MOB3A: variants seen among roughly 807,000 people sequenced by gnomAD.
The protein encoded by MOB3A is MOB kinase activator 3A.
A neutral mutation model predicts 17.8 loss-of-function variants in MOB3A; 17 were observed. The ratio of observed to expected loss-of-function variants is 0.95; its 90% CI spans 0.65 to 1.43. The LOEUF is 1.43. Ranked by LOEUF, MOB3A falls within the 40% of genes most tolerant of loss-of-function variation. The probability of loss-of-function intolerance (pLI) is 0.00; values close to 1 mark genes in which losing one functional copy is unlikely to be tolerated. For missense variants in MOB3A, 333 were observed against 310.8 expected (o/e 1.07, Z -0.54); for synonymous variants, 124 against 133.2 (o/e 0.93, Z 0.48).
rs2017635315 is a variant in MOB3A, at chr19:2,093,434, G to A, written c.-274+2792C>T. ...CGACTTCAGAAACGGGATTCTGGGA[G>A]GAGGCCTTCACTTCTGCCTTTCGGA... On this transcript the variant is annotated intron_variant, in intron 1 of 4. Transcript: ENST00000357066. This position sits in a 1 kb window ranked among gnomAD's most constrained non-coding sequence, Gnocchi z 4.6. Among the ~76,000 whole-genome samples the A allele has an allele frequency of 6.6e-6, 1 of 152,200 alleles. No individual in the cohort carries two copies. The highest frequency in any genetic ancestry group is 2.1e-4 in the South Asian group (1 of 4,832).
chr19:2,083,669 C>T (rs1396024823), intron 2 of MOB3A, among the ~76,000 whole-genome samples: 2 of 152,196 alleles, frequency 1.3e-5, no homozygotes, highest in Admixed American at 6.5e-5. Context: ...CACATCTGGG[C>T]CGACTCACAG....
At chr19:2,084,058 C>T in intron 2 of MOB3A, 1 of 441,962 alleles carries the variant, frequency 2.3e-6, no homozygotes, top group Non-Finnish European at 4.6e-6. Flanking sequence ...AGGCGTGAGC[C>T]ACCGTGCCTG....
chr19:2,090,373 C>T (rs2017599974), intron 1 of MOB3A, among the ~76,000 whole-genome samples: 3 of 152,198 alleles, frequency 2.0e-5, no homozygotes, highest in Admixed American at 2.0e-4. Flanking sequence ...GACCACCCTG[C>T]CCCCTGCCCC....
rs1281163655 is a variant in MOB3A, at chr19:2,071,445, A to G, written c.*1950T>C. On this transcript the variant is annotated 3_prime_UTR_variant, in exon 5 of 5. Transcript: ENST00000357066. ...TCGATTTTCTGGCAGAAGCCAGGAG[A>G]GACGGGGACAGCGTGCTTCTCTTCG... is the stretch of plus-strand genomic sequence containing the variant. The G allele has an allele frequency of 6.6e-6, 1 of 152,244 alleles. No individual in the cohort carries two copies. The highest frequency in any genetic ancestry group is 2.4e-5 in the African/African-American group (1 of 41,398). The allele number at this position is 152,244 out of a possible 1,614,324, so 9.4% of individuals were successfully genotyped here.
rs577449522 is a variant in MOB3A, at chr19:2,075,029, T to C, written c.625-1605A>G. 2.2e-3 allele frequency among the ~76,000 whole-genome samples: 337 copies of C among 150,968 alleles called. 3 individuals are homozygous for C. Among genetic ancestry groups the C allele is most frequent in the African/African-American group, 7.9e-3 (326 of 41,126 alleles). On this transcript the variant is annotated intron_variant, in intron 4 of 4. Coordinates refer to ENST00000357066, the MANE Select transcript of MOB3A (RefSeq NM_130807.3). Reference sequence around the variant, plus strand: ...ACCACGCCGGGCCTTAATCTTTTCTTTTCTTTTTTTTTTTTTTTGAGACAG... The same window carrying C: ...ACCACGCCGGGCCTTAATCTTTTCTCTTCTTTTTTTTTTTTTTTGAGACAG...
chr19:2,090,339 T>A (rs1328734822), intron 1 of MOB3A, among the ~76,000 whole-genome samples: 1 of 152,204 alleles, frequency 6.6e-6, no homozygotes, highest in Non-Finnish European at 1.5e-5. Flanking sequence ...GCCCAGAGGA[T>A]GTTGGCGGGC....
At chr19:2,081,460 C>T (rs566751890) in intron 2 of MOB3A, among the ~76,000 whole-genome samples, 12 of 152,030 alleles carry the variant, frequency 7.9e-5, no homozygotes, top group South Asian at 6.2e-4. Flanking sequence ...TGGTGGCGGG[C>T]GCCTGTAATC....
In MOB3A at chr19:2,095,757, CT is replaced by C. The variant is rs112997414; in HGVS notation, c.-274+468del. Among the ~76,000 whole-genome samples the C allele has an allele frequency of 4.7e-3, 671 of 144,004 alleles. 4 individuals carry two copies. The highest frequency in any genetic ancestry group is 0.024 in the East Asian group (119 of 4,942). 94.5% of individuals were successfully genotyped at this position (144,004 alleles called of 152,430 possible). A position where few individuals can be genotyped will look rare whatever the true frequency, so the allele number is the denominator to read the frequency against. On this transcript the variant is annotated intron_variant, in intron 1 of 4. Coordinates refer to ENST00000357066, the MANE Select transcript of MOB3A (RefSeq NM_130807.3). ...TTCCTTTTTTCTTTTTTCTTTTGTT[CT>C]TTTTTTTTTTTCCCCCGCTCTGGTT...
chr19:2,086,499 A>G (rs1191806255), intron 1 of MOB3A, among the ~76,000 whole-genome samples: 1 of 151,180 alleles, frequency 6.6e-6, no homozygotes, highest in Non-Finnish European at 1.5e-5. Context: ...AGCTGGGATT[A>G]CAGACACACG....
At chr19:2,074,224 G>A (rs2017375302) in intron 4 of MOB3A, among the ~76,000 whole-genome samples, 1 of 152,120 alleles carries the variant, frequency 6.6e-6, no homozygotes, top group Non-Finnish European at 1.5e-5. Flanking sequence ...AACCTGTGAG[G>A]TGGAGGTTGC....
rs142102227 is a variant in MOB3A, at chr19:2,076,912, C to T, written c.523G>A (p.Ala175Thr). 81 of 1,614,024 alleles carry T rather than the reference C, an allele frequency of 5.0e-5. No individual in the cohort carries two copies. In the African/African-American group the frequency reaches 1.0e-3, roughly 20 times the overall value. The change falls in exon 4 of 5, where the codon GCG becomes ACG. Residue 175 changes from alanine to threonine, a missense_variant. Coordinates refer to ENST00000357066, the MANE Select transcript of MOB3A (RefSeq NM_130807.3). ...ACGTGGGCCTCGGAGCCCATCTGCG[C>T]GATGCGGTCAAAGTGGTGGATGTAG... is the stretch of plus-strand genomic sequence containing the variant. The part of the protein sequence containing the change: ...HVYIHHFDRI[A>T]QMGSEAHVNT...
chr19:2,079,406 C>T (rs1024022925), intron 2 of MOB3A, among the ~76,000 whole-genome samples: 5 of 152,226 alleles, frequency 3.3e-5, no homozygotes, highest in South Asian at 2.1e-4. Context: ...TCTCAAGGGA[C>T]GTCATCTTGG....
intron 2 of MOB3A, chr19:2,084,172 T>C (rs753842773): frequency 4.1e-6 from 2 of 492,658 alleles, no homozygotes; most frequent in Non-Finnish European, 8.1e-6. Flanking sequence ...CTTGTAAACT[T>C]CCTCTTGGCA....
In MOB3A at chr19:2,092,023, A is replaced by G. The variant is rs1261107887; in HGVS notation, c.-274+4203T>C. The stretch of plus-strand genomic sequence containing the variant: ...ACAGAAAAAAAAAAGAGAAAGAAAG[A>G]ATAATAAATTGCTACAACCATGAAA... On this transcript the variant is annotated intron_variant, in intron 1 of 4. Transcript: ENST00000357066. 2.0e-5 allele frequency among the ~76,000 whole-genome samples: 3 copies of G among 151,182 alleles called. No individual in the cohort carries two copies. The South Asian group carries it at 6.3e-4, about 32-fold the overall frequency.
chr19:2,087,262 C>A (rs1247433126), intron 1 of MOB3A, among the ~76,000 whole-genome samples: 1 of 152,228 alleles, frequency 6.6e-6, no homozygotes, highest in East Asian at 1.9e-4. Context: ...TTAACCTTTT[C>A]AGTTACAGTT....
chr19:2,084,210 G>C (rs780384777), intron 2 of MOB3A: 5 of 467,676 alleles, frequency 1.1e-5, no homozygotes, highest in Admixed American at 2.3e-5. Context: ...AAGGTGAGGG[G>C]TGCCAGGCGA....
chr19:2,073,482 G>A (rs539070850), intron 4 of MOB3A, 58 bp from the exon 5 acceptor site: 10 of 1,608,710 alleles, frequency 6.2e-6, no homozygotes, highest in Middle Eastern at 3.3e-4. Flanking sequence ...GGGGTGATGC[G>A]AACAGCAGAC....
rs375905795 is a variant in MOB3A at position 2,084,490 on chromosome 19, G to A, written c.-120+685C>T. Among the ~76,000 whole-genome samples the A allele has an allele frequency of 6.6e-5, 10 of 151,954 alleles. No individual in the cohort carries two copies. In the East Asian group the frequency reaches 7.8e-4, roughly 12 times the overall value. On this transcript the variant is annotated intron_variant, in intron 2 of 4. Coordinates refer to ENST00000357066, the MANE Select transcript of MOB3A (RefSeq NM_130807.3). ...AGCCCTGGTGACAGAGTGAGACTCC[G>A]TCACAAAAAGAAAAAGGTGCAGGAT...
intron 2 of MOB3A, among the ~76,000 whole-genome samples, chr19:2,083,377 G>C (rs2017514019): frequency 6.6e-6 from 1 of 152,192 alleles, no homozygotes; most frequent in African/African-American, 2.4e-5. Context: ...CCCCAGTGAT[G>C]AGCTCTGCAA....
Sources: gnomAD v4.1 joint callset for allele counts (sites outside exome capture counted in the v4.1 genomes callset) on GRCh38, gnomAD v4.1.1 for gene constraint, Gnocchi (gnomAD v3.1) non-coding constraint, MANE v1.5 for transcripts, NCBI Gene and HGNC (gene_info 2026-07-23, HGNC 2026-07-21) for gene names.